Variants in CFAP47 observed in about 807,000 individuals in gnomAD.
CFAP47 encodes cilia and flagella associated protein 47, also known as cilia- and flagella-associated protein 47.
A neutral mutation model predicts 148.1 loss-of-function variants in CFAP47; 29 were observed. The ratio of observed to expected loss-of-function variants is 0.20; its 90% confidence interval spans 0.15 to 0.27. The LOEUF (loss-of-function observed/expected upper bound fraction) is 0.27. Among genes scored for constraint, CFAP47 ranks in the 10% least tolerant of loss-of-function variants. The pLI is 1.00. For synonymous variants in CFAP47, 664 were observed against 577.3 expected, an observed-to-expected ratio of 1.15 and a Z score of -2.15; for missense variants, 1,872 against 1,697.5, an observed-to-expected ratio of 1.10 and a Z score of -1.81.
At chrX:36,288,760 C>T (rs1288458465) in intron 51 of CFAP47, among the ~76,000 whole-genome samples, 5 of 110,920 alleles carry the variant, frequency 4.5e-5, no homozygotes, top group Non-Finnish European at 9.4e-5. Flanking sequence ...AGACCAGGTG[C>T]GGTGGCTTAT....
intron 32 of CFAP47, among the ~76,000 whole-genome samples, chrX:36,100,891 T>A (rs143551447): frequency 0.016 from 1,816 of 111,324 alleles, 48 homozygotes; most frequent in African/African-American, 0.056. Context: ...ATGCAGGTAG[T>A]GCTTATTTCT....
chrX:35,924,515 A>G (rs1239455549), intron 1 of CFAP47, among the ~76,000 whole-genome samples: 1,823 of 103,868 alleles, frequency 0.018, 54 homozygotes, highest in African/African-American at 0.062. Flanking sequence ...GTGCACATAT[A>G]TGTGTATATA....
chrX:35,957,110 G>A (rs998961332), intron 8 of CFAP47, among the ~76,000 whole-genome samples: 4 of 107,573 alleles, frequency 3.7e-5, no homozygotes, highest in African/African-American at 1.0e-4. Flanking sequence ...TCAGGAGGCT[G>A]AGGCAGGAGA....
intron 44 of CFAP47, among the ~76,000 whole-genome samples, chrX:36,202,745 C>T (rs1320716889): frequency 6.4e-5 from 7 of 109,637 alleles, no homozygotes; most frequent in Admixed American, 9.8e-5. Flanking sequence ...AGTGTGGAGG[C>T]GTGCACCTGT....
chrX:36,073,744 G>A (rs1195216085), intron 29 of CFAP47, among the ~76,000 whole-genome samples: 1 of 110,885 alleles, frequency 9.0e-6, no homozygotes, highest in Non-Finnish European at 1.9e-5. Context: ...AACAAGGAGG[G>A]CTCACTTTTC....
rs1257340360 is a variant in CFAP47, at chrX:36,014,862, C to T, written c.3506C>T (p.Ser1169Leu). The change falls in exon 22 of 64, where the codon TCG becomes TTG. Residue 1169 changes from serine to leucine, a missense_variant. Physicochemically the swap from Ser to Leu is moderately radical, Grantham distance 145. Transcript: ENST00000378653. ...LYTKYLSSSPSNPKTVPLIRP... is the reference protein window; with the variant it reads ...LYTKYLSSSPLNPKTVPLIRP... ...ACTAAATATTTGTCCAGTTCTCCTT[C>T]GAATCCAAAAACAGTACCACTTATC... 1 of 295,156 alleles carries T rather than the reference C, an allele frequency of 3.4e-6. No individual in the cohort carries two copies. Among genetic ancestry groups the T allele is most frequent in the African/African-American group, 2.7e-5 (1 of 36,831 alleles). The allele number at this position is 295,156 out of a possible 1,213,427, so 24.3% of individuals were successfully genotyped here.
chrX:36,265,248 G>C (rs5973627), intron 49 of CFAP47, among the ~76,000 whole-genome samples: 39,253 of 110,805 alleles, frequency 0.35, 7,729 homozygotes, highest in African/African-American at 0.76. Flanking sequence ...TTTTTTTGTG[G>C]GTTGATTTTG....
intron 39 of CFAP47, among the ~76,000 whole-genome samples, chrX:36,176,916 T>TA (rs762446447): frequency 1.8e-5 from 2 of 111,577 alleles, no homozygotes; most frequent in South Asian, 3.7e-4. Context: ...AAAATAAAAA[T>TA]AAAAAAATTA....
chrX:36,045,594 G>A (rs1012107011), intron 25 of CFAP47, among the ~76,000 whole-genome samples: 3 of 111,499 alleles, frequency 2.7e-5, no homozygotes, highest in Non-Finnish European at 5.6e-5. Context: ...CGCTCAAAAT[G>A]TCATTTACTT....
chrX:36,250,065 G>A (rs1940672756), intron 48 of CFAP47, among the ~76,000 whole-genome samples: 1 of 111,434 alleles, frequency 9.0e-6, no homozygotes. Flanking sequence ...CTACTGCTGG[G>A]TATATATTCA....
chrX:35,954,669 T>C (rs893836749), intron 7 of CFAP47, among the ~76,000 whole-genome samples: 1 of 112,041 alleles, frequency 8.9e-6, no homozygotes, highest in Non-Finnish European at 1.9e-5. Context: ...AAATGCAAAC[T>C]CTTTTTCTTT....
rs762316867 is a variant in CFAP47 at position 35,924,031 on chromosome X, G to GCA, written c.250-1983_250-1982dup. Among the ~76,000 whole-genome samples, 4 of 92,920 alleles carry GCA rather than the reference G, an allele frequency of 4.3e-5. 1 individual carries two copies. The highest frequency in any genetic ancestry group is 2.4e-4 in the Admixed American group (2 of 8,495). The allele number at this position is 92,920 out of a possible 115,157, so 80.7% of individuals were successfully genotyped here. A position where few individuals can be genotyped will look rare whatever the true frequency, so the allele number is the denominator to read the frequency against. On this transcript the variant is annotated intron_variant, in intron 1 of 63. Transcript: ENST00000378653. ...TGTAAATATATATGCACATATATAT[G>GCA]CACATATATGTGTATATGTACATGT...
At chrX:36,006,363 T>C (rs1437686148) in intron 21 of CFAP47, among the ~76,000 whole-genome samples, 1 of 111,749 alleles carries the variant, frequency 8.9e-6, no homozygotes, top group African/African-American at 3.2e-5. Context: ...ACTTAGTGTA[T>C]TGGAGTGTAA....
chrX:36,241,311 C>T (rs1940540850), intron 48 of CFAP47, among the ~76,000 whole-genome samples: 1 of 111,881 alleles, frequency 8.9e-6, no homozygotes, highest in African/African-American at 3.3e-5. Context: ...TGTTGGAGTG[C>T]AGCCGTAAGT....
At chrX:36,298,564 A>C (rs1473028833) in intron 51 of CFAP47, among the ~76,000 whole-genome samples, 1 of 94,072 alleles carries the variant, frequency 1.1e-5, no homozygotes, top group Non-Finnish European at 2.0e-5. Flanking sequence ...TATAATAATA[A>C]AAGAAAAAAA....
chrX:36,187,944 G>GA (rs1939825236), intron 40 of CFAP47, among the ~76,000 whole-genome samples: 1 of 111,492 alleles, frequency 9.0e-6, no homozygotes, highest in Non-Finnish European at 1.9e-5. Context: ...TGTGTTCTCA[G>GA]AAAAAAATCA....
In CFAP47 at chrX:36,270,903, C is replaced by T. The variant is rs187664550; in HGVS notation, c.7445-9584C>T. Among the ~76,000 whole-genome samples, 357 of 108,647 alleles carry T rather than the reference C, an allele frequency of 3.3e-3. 2 individuals carry two copies. The highest frequency in any genetic ancestry group is 0.012 in the African/African-American group (342 of 29,503). The allele number at this position is 108,647 out of a possible 115,157, so 94.3% of individuals were successfully genotyped here. ...TGAATTGCTTTTTTCTTACATGAAT[C>T]GGAAAGAAGCACGTGGTTTTAATAG... On this transcript the variant is annotated intron_variant, in intron 49 of 63. Coordinates refer to ENST00000378653, the MANE Select transcript of CFAP47 (RefSeq NM_001304548.2).
rs746961205 is a variant in CFAP47, at chrX:36,173,321, T to G, written c.6027-6024T>G. ...TCCTTCAGTTCTGCTCTGATTTTAG[T>G]TATTTCTTGCCTTCTGCTAGCTTTT... On this transcript the variant is annotated intron_variant, in intron 39 of 63. Coordinates refer to ENST00000378653, the MANE Select transcript of CFAP47 (RefSeq NM_001304548.2). Among the ~76,000 whole-genome samples the G allele has an allele frequency of 4.1e-3, 454 of 111,972 alleles. 2 individuals carry two copies. The highest frequency in any genetic ancestry group is 0.014 in the African/African-American group (440 of 30,790).
chrX:35,960,380 G>GGA (rs1227681980), intron 8 of CFAP47, among the ~76,000 whole-genome samples: 1 of 15,489 alleles, frequency 6.5e-5, no homozygotes, highest in African/African-American at 2.6e-4. Flanking sequence ...GCTAATTTCT[G>GGA]AAAAAAAAAA....
Sources: gnomAD v4.1 joint callset for allele counts (sites outside exome capture counted in the v4.1 genomes callset) on GRCh38, gnomAD v4.1.1 for gene constraint, MANE v1.5 for transcripts, NCBI Gene and HGNC (gene_info 2026-07-23, HGNC 2026-07-21) for gene names.